Variants in RMDN1 observed in about 807,000 individuals in gnomAD.
The protein encoded by RMDN1 is regulator of microtubule dynamics protein 1.
RMDN1 carries 48 observed loss-of-function variants against 48.9 expected under a neutral mutation model. The observed-to-expected ratio is 0.98, with a 90% CI of 0.78 to 1.25. RMDN1 has a LOEUF of 1.25. RMDN1 is among the 50% of genes most tolerant of loss of function. RMDN1 has a pLI of 0.00. For missense variants in RMDN1, 418 were observed against 373.4 expected (o/e 1.12, Z -0.98); for synonymous variants, 148 against 132.6 (o/e 1.12, Z -0.80).
chr8:86,482,186 G>A, intron 5 of RMDN1: 2 of 420,990 alleles, frequency 4.8e-6, no homozygotes, highest in South Asian at 3.1e-5. Flanking sequence ...CAGATCACTT[G>A]AGGTCAGGAG....
chr8:86,507,100 G>C lies in RMDN1; in HGVS notation c.142C>G (p.Pro48Ala). Reference sequence around the variant, plus strand: ...AAAAGGCCTCTTTTGAAAGTTCCTGGGTTTCCCATTACCTATGGAAACAAT... The same window carrying C: ...AAAAGGCCTCTTTTGAAAGTTCCTGCGTTTCCCATTACCTATGGAAACAAT... ...RFRGFEVMGN[P>A]GTFKRGLLLS... The change falls in exon 2 of 10, where the codon CCA (proline) becomes GCA (alanine). Residue 48 changes from proline (P) to alanine (A), a missense_variant. Pro to Ala is a conservative substitution (Grantham distance 27). Coordinates refer to ENST00000406452, the MANE Select transcript of RMDN1 (RefSeq NM_016033.3). 1 of 1,602,210 alleles carries C rather than the reference G, an allele frequency of 6.2e-7. No individual in the cohort carries two copies. The highest frequency in any genetic ancestry group is 2.2e-5 in the East Asian group (1 of 44,832).
chr8:86,473,822 A>G lies in RMDN1; in HGVS notation c.*486T>C, dbSNP rs1264301869. 18 of 984,872 alleles carry G rather than the reference A, an allele frequency of 1.8e-5. No homozygotes were observed. The highest frequency in any genetic ancestry group is 2.2e-5 in the Non-Finnish European group (18 of 829,490). The allele number at this position is 984,872 out of a possible 1,614,324, so 61.0% of individuals were successfully genotyped here. ...TAGTCATCTCCTTACTTAGTTCTTT[A>G]CTTACACAGGTTAGCTCCAAGATAT... is the stretch of plus-strand genomic sequence containing the variant. On this transcript the variant is annotated 3_prime_UTR_variant, in exon 10 of 10. Coordinates refer to ENST00000406452, the MANE Select transcript of RMDN1 (RefSeq NM_016033.3).
chr8:86,483,424 G>C (rs1814906323), intron 5 of RMDN1, among the ~76,000 whole-genome samples: 1 of 152,094 alleles, frequency 6.6e-6, no homozygotes, highest in Non-Finnish European at 1.5e-5. Context: ...GAAAATTACT[G>C]TATTTCCCTG....
intron 2 of RMDN1, among the ~76,000 whole-genome samples, chr8:86,497,488 G>C (rs1200731962): frequency 6.6e-6 from 1 of 151,494 alleles, no homozygotes; most frequent in East Asian, 2.0e-4. Context: ...GGATGATGAG[G>C]TCAGGAGTTC....
intron 3 of RMDN1, among the ~76,000 whole-genome samples, chr8:86,486,940 T>C (rs1446074054): frequency 6.6e-6 from 1 of 152,188 alleles, no homozygotes; most frequent in Non-Finnish European, 1.5e-5. Context: ...CCTACAAAAC[T>C]CAACATATTA....
intron 5 of RMDN1, 154 bp downstream of exon 5, chr8:86,484,718 C>CAAAAAAAAAAAAAAAAAAAAAAAACA (rs34599016): frequency 3.8e-6 from 1 of 259,982 alleles, no homozygotes. Flanking sequence ...AACTCCGTCT[C>CAAAAAAAAAAAAAAAAAAAAAAAACA]AAAAAAAAAA....
upstream of RMDN1, chr8:86,508,848 G>A: frequency 8.0e-7 from 1 of 1,247,854 alleles, no homozygotes; most frequent in Non-Finnish European, 1.0e-6. Context: ...TTCCGCGCCT[G>A]CGTCCAGGAC....
downstream of RMDN1, among the ~76,000 whole-genome samples, chr8:86,471,826 C>G (rs2130307192): frequency 6.6e-6 from 1 of 152,272 alleles, no homozygotes; most frequent in Non-Finnish European, 1.5e-5. Flanking sequence ...TTAGACCAAT[C>G]TGGAATGCGA....
At chr8:86,470,094 A>G, downstream of RMDN1, 1 of 1,152,254 alleles carries the variant, frequency 8.7e-7, no homozygotes, top group Non-Finnish European at 1.1e-6. Flanking sequence ...TTATAGAATC[A>G]CGGCCATTTT....
Position 86,508,519 on chromosome 8 carries a change from G to A in RMDN1, c.102C>T (p.Cys34=). ...PAGTSGSRGH[C]GPCRFRGFEV... is the part of the protein sequence containing the mutation. ...CGAAGCCGCGGAATCGACAGGGGCCGCAATGCCCGCGGCTGCCCGAAGTCC... is the reference window on the plus strand; with the variant it reads ...CGAAGCCGCGGAATCGACAGGGGCCACAATGCCCGCGGCTGCCCGAAGTCC... Residue 34 remains cysteine (C), a synonymous_variant, in exon 1 of 10, where the codon TGC becomes TGT. Coordinates refer to ENST00000406452, the MANE Select transcript of RMDN1 (RefSeq NM_016033.3). 2 of 1,562,410 alleles carry A rather than the reference G, an allele frequency of 1.3e-6. No individual in the cohort carries two copies. Among genetic ancestry groups the A allele is most frequent in the Non-Finnish European group, 1.7e-6 (2 of 1,155,752 alleles).
At chr8:86,492,976 G>T (rs143789810) in intron 2 of RMDN1, among the ~76,000 whole-genome samples, 1 of 150,804 alleles carries the variant, frequency 6.6e-6, no homozygotes, top group Non-Finnish European at 1.5e-5. Context: ...AAATTTTGAA[G>T]CATGGAATTA....
At chr8:86,489,811 T>C (rs1021559713) in intron 2 of RMDN1, among the ~76,000 whole-genome samples, 5 of 132,952 alleles carry the variant, frequency 3.8e-5, no homozygotes, top group Admixed American at 1.6e-4. Flanking sequence ...GCCTGGGCGA[T>C]ACAGCAAGAC....
Position 86,473,313 on chromosome 8 carries a change from T to C in RMDN1, c.*995A>G. Reference sequence around the variant, plus strand: ...TACAAAACTTAAAAAGATTTTGCAGTGGTGGCACTCCAGCCTCAAGTGAGT... The same window carrying C: ...TACAAAACTTAAAAAGATTTTGCAGCGGTGGCACTCCAGCCTCAAGTGAGT... On this transcript the variant is annotated 3_prime_UTR_variant, in exon 10 of 10. Transcript: ENST00000406452. 1 of 985,402 alleles carries C rather than the reference T, an allele frequency of 1.0e-6. No homozygotes were observed. The highest frequency in any genetic ancestry group is 1.2e-6 in the Non-Finnish European group (1 of 829,912). 61.0% of individuals were successfully genotyped at this position (985,402 alleles called of 1,614,324 possible).
At chr8:86,506,408 A>G (rs1819366157) in intron 2 of RMDN1, among the ~76,000 whole-genome samples, 1 of 152,076 alleles carries the variant, frequency 6.6e-6, no homozygotes, top group Non-Finnish European at 1.5e-5. Flanking sequence ...GTCTGTTACC[A>G]TGTCACTGTG....
upstream of RMDN1, among the ~76,000 whole-genome samples, chr8:86,509,955 T>C (rs1297882334): frequency 6.6e-6 from 1 of 152,228 alleles, no homozygotes; most frequent in Non-Finnish European, 1.5e-5. Flanking sequence ...TTGCTAAATG[T>C]TTATGCCACT....
chr8:86,481,741 A>G, intron 5 of RMDN1: 1 of 753,722 alleles, frequency 1.3e-6, no homozygotes, highest in Non-Finnish European at 2.0e-6. Context: ...TTTCTTTGGT[A>G]ATTCCTATTT....
intron 2 of RMDN1, among the ~76,000 whole-genome samples, chr8:86,502,927 C>T (rs56752411): frequency 0.27 from 40,293 of 151,874 alleles, 6,225 homozygotes; most frequent in East Asian, 0.54. Context: ...AAATATAAAC[C>T]GTTAATAAAG....
At chr8:86,502,421 TG>T (rs1027348807) in intron 2 of RMDN1, among the ~76,000 whole-genome samples, 1 of 152,054 alleles carries the variant, frequency 6.6e-6, no homozygotes, top group African/African-American at 2.4e-5. Context: ...TTTGTAGAGA[TG>T]GGGGTCTCAC....
chr8:86,508,865 CG>C, upstream of RMDN1: 9 of 1,140,274 alleles, frequency 7.9e-6, no homozygotes, highest in Non-Finnish European at 9.9e-6. Flanking sequence ...GGACTGAGGC[CG>C]TGAGAGCGCT....
Sources: gnomAD v4.1 joint callset for allele counts (sites outside exome capture counted in the v4.1 genomes callset) on GRCh38, gnomAD v4.1.1 for gene constraint, MANE v1.5 for transcripts, NCBI Gene and HGNC (gene_info 2026-07-23, HGNC 2026-07-21) for gene names.